CFAP97: variants seen among roughly 807,000 people sequenced by gnomAD.
The protein encoded by CFAP97 is cilia- and flagella-associated protein 97.
CFAP97 carries 36 observed loss-of-function variants against 43.1 expected under a neutral mutation model. The observed-to-expected ratio is 0.84, with a 90% confidence interval of 0.64 to 1.10. The LOEUF is 1.10. Among genes scored for constraint, CFAP97 ranks in the 50% least tolerant of loss-of-function variants. CFAP97 has a pLI of 0.00. For missense variants in CFAP97, 657 were observed against 620.3 expected (o/e 1.06, Z -0.63); for synonymous variants, 228 against 225.7 (o/e 1.01, Z -0.09).
chr4:185,163,968 G>A lies in CFAP97; in HGVS notation c.1471+61C>T, dbSNP rs373552665. On this transcript the variant is annotated intron_variant, in intron 4 of 4. Coordinates refer to ENST00000458385, the MANE Select transcript of CFAP97 (RefSeq NM_020827.3). ...AAACTCTATCATAATAACATGTTAC[G>A]TTTTTTTAAAAAAAGGATACAAGAT... is the stretch of plus-strand genomic sequence containing the variant. 1.3e-4 allele frequency: 184 copies of A among 1,470,118 alleles called. 2 individuals are homozygous for A. The South Asian group carries it at 1.9e-3, about 15-fold the overall frequency. 91.1% of individuals were successfully genotyped at this position (1,470,118 alleles called of 1,614,324 possible). A position where few individuals can be genotyped will look rare whatever the true frequency, so the allele number is the denominator to read the frequency against.
chr4:185,183,535 C>CA (rs1560864739), intron 2 of CFAP97, among the ~76,000 whole-genome samples: 2 of 152,206 alleles, frequency 1.3e-5, no homozygotes, highest in Non-Finnish European at 2.9e-5. Flanking sequence ...TCATATCCAC[C>CA]TACCATGACC....
chr4:185,200,477 T>G (rs1736770659), intron 1 of CFAP97, among the ~76,000 whole-genome samples: 1 of 152,120 alleles, frequency 6.6e-6, no homozygotes, highest in East Asian at 1.9e-4. Flanking sequence ...CCGTCTCTAC[T>G]AAAAATACAA....
chr4:185,170,123 G>A (rs1735236655), intron 3 of CFAP97: 1 of 1,020,548 alleles, frequency 9.8e-7, no homozygotes, highest in African/African-American at 1.7e-5. Context: ...TGAGGCAGAT[G>A]GATCACTTGA....
chr4:185,206,826 G>A (rs1024841026), upstream of CFAP97, among the ~76,000 whole-genome samples: 2 of 152,148 alleles, frequency 1.3e-5, no homozygotes, highest in Non-Finnish European at 1.5e-5. Flanking sequence ...GCCGGCTGGA[G>A]AGCCTGGAAA....
chr4:185,162,679 CTG>C lies in CFAP97; in HGVS notation c.*117_*118del. On this transcript the variant is annotated 3_prime_UTR_variant, in exon 5 of 5. Transcript: ENST00000458385. ...CTGAATAACAATACATTACAACTCA[CTG>C]TTGTACACCTTCAATTGCTAAAACG... 2 of 1,066,872 alleles carry C rather than the reference CTG, an allele frequency of 1.9e-6. No homozygotes were observed. Among genetic ancestry groups the C allele is most frequent in the Non-Finnish European group, 2.7e-6 (2 of 731,858 alleles). 66.1% of individuals were successfully genotyped at this position (1,066,872 alleles called of 1,614,324 possible).
chr4:185,175,635 C>T (rs1735485253), intron 3 of CFAP97, 151 bp downstream of exon 3: 1 of 683,776 alleles, frequency 1.5e-6, no homozygotes, highest in South Asian at 1.9e-5. Context: ...TCCGGACTTA[C>T]AGCACATCAT....
chr4:185,208,035 G>A (rs561131584), upstream of CFAP97, among the ~76,000 whole-genome samples: 22 of 152,276 alleles, frequency 1.4e-4, no homozygotes, highest in South Asian at 3.3e-3. Context: ...ACTTTGAGGG[G>A]CTCCAATTGG....
At chr4:185,171,670 C>T (rs188277148) in intron 3 of CFAP97, among the ~76,000 whole-genome samples, 37 of 152,240 alleles carry the variant, frequency 2.4e-4, no homozygotes, top group African/African-American at 7.0e-4. Flanking sequence ...TATGCTCATT[C>T]GGAAAAAAGT....
At chr4:185,194,637 C>G (rs2111404582) in intron 1 of CFAP97, among the ~76,000 whole-genome samples, 1 of 152,342 alleles carries the variant, frequency 6.6e-6, no homozygotes, top group African/African-American at 2.4e-5. Context: ...AAGTGATCCT[C>G]CCACCTCAGC....
chr4:185,179,159 C>T lies in CFAP97; in HGVS notation c.1055-3108G>A, dbSNP rs183002282. Reference sequence around the variant, plus strand: ...AAGAGCCATGGCTGAGAAACCAACACCTGAGGAATCTCAGCTGCAGCTGGA... The same window carrying T: ...AAGAGCCATGGCTGAGAAACCAACATCTGAGGAATCTCAGCTGCAGCTGGA... On this transcript the variant is annotated intron_variant, in intron 2 of 4. Coordinates refer to ENST00000458385, the MANE Select transcript of CFAP97 (RefSeq NM_020827.3). Among the ~76,000 whole-genome samples the T allele has an allele frequency of 1.7e-3, 252 of 151,970 alleles. 2 individuals carry two copies. Among genetic ancestry groups the T allele is most frequent in the Non-Finnish European group, 2.6e-3 (179 of 68,020 alleles).
At chr4:185,180,471 G>A (rs534780245) in intron 2 of CFAP97, among the ~76,000 whole-genome samples, 65 of 151,914 alleles carry the variant, frequency 4.3e-4, no homozygotes, top group Admixed American at 3.5e-3. Context: ...CTATAATTTC[G>A]ACCACTCCAA....
At chr4:185,208,287 A>T (rs923398233), upstream of CFAP97, among the ~76,000 whole-genome samples, 1 of 151,930 alleles carries the variant, frequency 6.6e-6, no homozygotes, top group African/African-American at 2.4e-5. Context: ...AAGTGTAGGG[A>T]TTACAGGCGT....
intron 2 of CFAP97, among the ~76,000 whole-genome samples, chr4:185,184,974 T>C (rs1186006327): frequency 6.6e-6 from 1 of 152,212 alleles, no homozygotes; most frequent in Non-Finnish European, 1.5e-5. Flanking sequence ...AAAACGGAAG[T>C]GTCCCCTTAA....
upstream of CFAP97, among the ~76,000 whole-genome samples, chr4:185,206,979 C>G (rs1309064531): frequency 6.6e-6 from 1 of 152,060 alleles, no homozygotes; most frequent in East Asian, 1.9e-4. Context: ...GTTCTGATGT[C>G]CAAGGATGGG....
At position 185,191,004 on chromosome 4, in the gene CFAP97, T is replaced by G; in HGVS notation, c.193A>C (p.Thr65Pro). The change falls in exon 2 of 5, where the codon ACT becomes CCT. Residue 65 changes from threonine to proline, a missense_variant. Thr to Pro is a conservative substitution (Grantham distance 38). Coordinates refer to ENST00000458385, the MANE Select transcript of CFAP97 (RefSeq NM_020827.3). The part of the protein sequence containing the change: ...TGMQTTENYL[T>P]EKGNERNVKF... ...ACGTTTCTTTCATTTCCCTTCTCAG[T>G]AAGATAATTTTCTGTTGTTTGCATT... The G allele has an allele frequency of 6.2e-7, 1 of 1,613,638 alleles. No individual in the cohort carries two copies. The highest frequency in any genetic ancestry group is 1.3e-5 in the African/African-American group (1 of 75,054).
chr4:185,164,119 G>C lies in CFAP97; in HGVS notation c.1381C>G (p.Leu461Val), dbSNP rs1348494149. The C allele has an allele frequency of 6.2e-7, 1 of 1,613,932 alleles. No homozygotes were observed. Among genetic ancestry groups the C allele is most frequent in the Admixed American group, 1.7e-5 (1 of 60,022 alleles). The change falls in exon 4 of 5, where the codon CTG becomes GTG. Residue 461 changes from leucine to valine, a missense_variant. Coordinates refer to ENST00000458385, the MANE Select transcript of CFAP97 (RefSeq NM_020827.3). ...PTVGMKRSEQ[L>V]MDYHRNMGYL... ...CCCATATTGCGATGATAGTCCATCA[G>C]TTGTTCTGAACGTTTCATACCAACT...
chr4:185,163,638 C>T (rs1284886396), intron 4 of CFAP97, among the ~76,000 whole-genome samples: 1 of 151,850 alleles, frequency 6.6e-6, no homozygotes, highest in Admixed American at 6.6e-5. Flanking sequence ...TTTAGTTATC[C>T]AGTAAGTAAG....
At chr4:185,166,776 C>T (rs1328169723) in intron 3 of CFAP97, among the ~76,000 whole-genome samples, 1 of 152,104 alleles carries the variant, frequency 6.6e-6, no homozygotes, top group Non-Finnish European at 1.5e-5. Flanking sequence ...ATGAATATAA[C>T]AAGCTAAACA....
chr4:185,206,514 C>T (rs1034842063), upstream of CFAP97, among the ~76,000 whole-genome samples: 2 of 151,816 alleles, frequency 1.3e-5, no homozygotes, highest in Non-Finnish European at 2.9e-5. Context: ...AAAAAATTAG[C>T]CAGGCATGCT....
Sources: allele counts gnomAD v4.1 joint callset (sites outside exome capture counted in the v4.1 genomes callset), GRCh38; gene constraint gnomAD v4.1.1; transcripts MANE v1.5; gene names NCBI Gene and HGNC (gene_info 2026-07-23, HGNC 2026-07-21).